The following ROBO1 variants were observed in gnomAD, a reference collection of about 807,000 sequenced individuals.
ROBO1 encodes roundabout homolog 1.
In ROBO1, 149 loss-of-function variants were observed where a neutral mutation model predicts 195.9. The observed-to-expected ratio is 0.76, with a 90% CI of 0.67 to 0.87. ROBO1 has a LOEUF of 0.87. ROBO1 is among the 40% of genes least tolerant of loss of function. The pLI, the probability that ROBO1 is intolerant of heterozygous loss-of-function variation, is 0.00. For synonymous variants in ROBO1, 816 were observed against 733.2 expected, an observed-to-expected ratio of 1.11 and a Z score of -1.82; for missense variants, 1,933 against 2,068.3, an observed-to-expected ratio of 0.93 and a Z score of 1.27.
chr3:78,723,758 C>T (rs1350367), intron 5 of ROBO1, among the ~76,000 whole-genome samples: 152,053 of 152,220 alleles, frequency 1, 75,943 homozygotes, highest in Non-Finnish European at 1. Context: ...CTGTCTATAA[C>T]GCAGGGATTG....
At chr3:79,268,048 A>G (rs1392041385) in intron 2 of ROBO1, among the ~76,000 whole-genome samples, 1 of 151,684 alleles carries the variant, frequency 6.6e-6, no homozygotes, top group Non-Finnish European at 1.5e-5. Flanking sequence ...ACTGAAAGAA[A>G]AATAGTCAGA....
intron 2 of ROBO1, among the ~76,000 whole-genome samples, chr3:79,586,279 A>T (rs1008234681): frequency 6.6e-6 from 1 of 151,990 alleles, no homozygotes; most frequent in Non-Finnish European, 1.5e-5. Flanking sequence ...TTCACAATTT[A>T]TAATCTATTT....
At chr3:78,629,711 CT>C (rs1275258025) in intron 25 of ROBO1, among the ~76,000 whole-genome samples, 1 of 151,492 alleles carries the variant, frequency 6.6e-6, no homozygotes, top group Non-Finnish European at 1.5e-5. Context: ...GTTTTCATTA[CT>C]TGCAGATTCC....
chr3:79,457,686 G>A (rs2039663302), intron 2 of ROBO1, among the ~76,000 whole-genome samples: 1 of 152,046 alleles, frequency 6.6e-6, no homozygotes. Context: ...AAGATCTGAT[G>A]GTTAAACAGC....
intron 2 of ROBO1, among the ~76,000 whole-genome samples, chr3:79,277,635 A>G (rs1042224848): frequency 2.0e-5 from 3 of 152,106 alleles, no homozygotes; most frequent in Non-Finnish European, 4.4e-5. Context: ...TGGATTGTTT[A>G]TAACACAAAG....
intron 1 of ROBO1, among the ~76,000 whole-genome samples, chr3:79,661,849 T>G (rs1277502391): frequency 3.3e-5 from 5 of 152,084 alleles, no homozygotes; most frequent in Non-Finnish European, 7.4e-5. Context: ...CAGCAGGGAA[T>G]GTAGCAAATA....
intron 1 of ROBO1, among the ~76,000 whole-genome samples, chr3:79,620,407 C>T (rs560162746): frequency 1.3e-5 from 2 of 152,152 alleles, no homozygotes; most frequent in Admixed American, 1.3e-4. Context: ...ACCCACTCCA[C>T]ATTACCTTCT....
intron 4 of ROBO1, among the ~76,000 whole-genome samples, chr3:78,812,502 A>G (rs1321434831): frequency 6.6e-6 from 1 of 152,046 alleles, no homozygotes; most frequent in Non-Finnish European, 1.5e-5. Context: ...AATGTCACAT[A>G]CTCAATGATG....
At chr3:79,551,980 TAAAAAAAAAAAAAAAA>T (rs771824432) in intron 2 of ROBO1, among the ~76,000 whole-genome samples, 9 of 44,266 alleles carry the variant, frequency 2.0e-4, no homozygotes, top group African/African-American at 1.8e-4. Flanking sequence ...TCTACAGAGT[TAAAAAAAAAAAAAAAA>T]AAAAAAAAAA....
chr3:79,007,262 G>A (rs2077647112), intron 3 of ROBO1, among the ~76,000 whole-genome samples: 1 of 152,156 alleles, frequency 6.6e-6, no homozygotes, highest in Non-Finnish European at 1.5e-5. Flanking sequence ...CAGTAGGTCA[G>A]GAATTAGAGT....
At chr3:79,496,381 A>G (rs1939738370) in intron 2 of ROBO1, among the ~76,000 whole-genome samples, 1 of 85,694 alleles carries the variant, frequency 1.2e-5, no homozygotes, top group African/African-American at 7.5e-5. Flanking sequence ...AATGCTGCGC[A>G]CCCATCTTTT....
chr3:78,754,101 CAG>C (rs1011488646), intron 4 of ROBO1, among the ~76,000 whole-genome samples: 1 of 152,160 alleles, frequency 6.6e-6, no homozygotes, highest in African/African-American at 2.4e-5. Context: ...CCATAAAAAA[CAG>C]AGAGTTTTAC....
At chr3:79,528,409 A>G (rs1477091235) in intron 2 of ROBO1, among the ~76,000 whole-genome samples, 1 of 152,192 alleles carries the variant, frequency 6.6e-6, no homozygotes, top group Non-Finnish European at 1.5e-5. Context: ...TTTCCTGGCA[A>G]TCTAAAACAC....
chr3:78,667,662 T>C (rs1285665585), intron 14 of ROBO1, among the ~76,000 whole-genome samples: 4 of 152,334 alleles, frequency 2.6e-5, no homozygotes, highest in African/African-American at 9.6e-5. Flanking sequence ...TGAGAAACAG[T>C]TCTCTTTGTT....
At chr3:78,958,152 T>C (rs2041141279) in intron 3 of ROBO1, among the ~76,000 whole-genome samples, 2 of 152,220 alleles carry the variant, frequency 1.3e-5, no homozygotes, top group Admixed American at 6.5e-5. Flanking sequence ...GTTTACTACA[T>C]ATATGCATAA....
chr3:78,811,719 G>A (rs1368385209), intron 4 of ROBO1, among the ~76,000 whole-genome samples: 1 of 152,008 alleles, frequency 6.6e-6, no homozygotes, highest in East Asian at 1.9e-4. Context: ...CACTAATTTG[G>A]AACTAGTATA....
intron 3 of ROBO1, among the ~76,000 whole-genome samples, chr3:79,004,208 T>G (rs1221060898): frequency 6.6e-6 from 1 of 152,184 alleles, no homozygotes; most frequent in Non-Finnish European, 1.5e-5. Flanking sequence ...TGATTTTTTT[T>G]TAAACATGGG....
At chr3:79,419,767 T>G (rs577337352) in intron 2 of ROBO1, among the ~76,000 whole-genome samples, 1 of 152,154 alleles carries the variant, frequency 6.6e-6, no homozygotes, top group Middle Eastern at 3.4e-3. Context: ...GGAAAGTATA[T>G]CTAGCCTTTG....
intron 4 of ROBO1, among the ~76,000 whole-genome samples, chr3:78,926,009 T>C (rs2107621305): frequency 6.6e-6 from 1 of 152,136 alleles, no homozygotes; most frequent in East Asian, 1.9e-4. Flanking sequence ...TAGCTGCCAC[T>C]CCAGATGCCC....
Sources: gnomAD v4.1 joint callset for allele counts (sites outside exome capture counted in the v4.1 genomes callset) on GRCh38, gnomAD v4.1.1 for gene constraint, MANE v1.5 for transcripts, NCBI Gene and HGNC (gene_info 2026-07-23, HGNC 2026-07-21) for gene names.